The following FXYD6 variants were observed in gnomAD, a reference collection of about 807,000 sequenced individuals.
FXYD6 encodes FXYD domain containing ion transport regulator 6.
Under a neutral mutation model 16.7 loss-of-function variants are expected in FXYD6, and 7 were observed. That is an observed-to-expected ratio of 0.42 (90% confidence interval 0.24 to 0.79). FXYD6 has a LOEUF of 0.79. Ranked by LOEUF, FXYD6 falls within the 30% of genes least tolerant of loss-of-function variation. FXYD6 has a pLI of 0.28. For synonymous variants in FXYD6, 49 were observed against 43.0 expected, an observed-to-expected ratio of 1.14 and a Z score of -0.54; for missense variants, 111 against 116.2, an observed-to-expected ratio of 0.95 and a Z score of 0.21.
At chr11:117,857,966 G>A (rs1474487662) in intron 1 of FXYD6, among the ~76,000 whole-genome samples, 1 of 152,174 alleles carries the variant, frequency 6.6e-6, no homozygotes, top group Non-Finnish European at 1.5e-5. Context: ...AACCAGCAGA[G>A]AATGCCCAAA....
intron 1 of FXYD6, among the ~76,000 whole-genome samples, chr11:117,860,420 C>T (rs2134185154): frequency 6.6e-6 from 1 of 152,326 alleles, no homozygotes; most frequent in Middle Eastern, 3.4e-3. Context: ...CAGGGGCTCC[C>T]GCATCTGGAT....
At chr11:117,858,631 T>TTTTCTTTCTTTC (rs758256700) in intron 1 of FXYD6, among the ~76,000 whole-genome samples, 28 of 106,790 alleles carry the variant, frequency 2.6e-4, no homozygotes, top group South Asian at 8.9e-4. Flanking sequence ...TCATTTTCTT[T>TTTTCTTTCTTTC]TTTCTTTCTT....
chr11:117,857,143 G>A (rs867645375), intron 1 of FXYD6, among the ~76,000 whole-genome samples: 15 of 152,302 alleles, frequency 9.8e-5, no homozygotes, highest in African/African-American at 3.6e-4. Context: ...GAGATGGGAG[G>A]TGACAGTGCT....
Position 117,872,816 on chromosome 11 carries a change from A to G in FXYD6, c.-6+3776T>C, listed in dbSNP as rs76936143. ...TCCCTCCCCGGATTCTGGAGCAGAG[A>G]TGATGCTGCCAAATTGGTTCCATGC... On this transcript the variant is annotated intron_variant, in intron 1 of 7. Transcript: ENST00000526014. This position sits in a 1 kb window ranked among gnomAD's most constrained non-coding sequence, Gnocchi z 4.9. Among the ~76,000 whole-genome samples, 125 of 152,238 alleles carry G rather than the reference A, an allele frequency of 8.2e-4. 1 individual carries two copies. The highest frequency in any genetic ancestry group is 1.7e-3 in the Non-Finnish European group (115 of 68,004).
chr11:117,841,605 C>T (rs1337711380), intron 4 of FXYD6, 186 bp downstream of exon 4: 8 of 644,486 alleles, frequency 1.2e-5, no homozygotes, highest in Non-Finnish European at 1.9e-5. Flanking sequence ...TCTTTGTTCC[C>T]GTGTCACTGT....
chr11:117,858,689 TTCTTTCTTTCTTTCTC>T (rs2056812333), intron 1 of FXYD6, among the ~76,000 whole-genome samples: 1 of 77,684 alleles, frequency 1.3e-5, no homozygotes, highest in Admixed American at 1.5e-4. Flanking sequence ...CTTTCTTTCT[TTCTTTCTTTCTTTCTC>T]TCTCTCTCTC....
Position 117,841,166 on chromosome 11 carries a change from C to G in FXYD6, c.191G>C (p.Ser64Thr), listed in dbSNP as rs1298583685. 3 of 1,614,012 alleles carry G rather than the reference C, an allele frequency of 1.9e-6. No individual in the cohort carries two copies. Among genetic ancestry groups the G allele is most frequent in the East Asian group, 2.2e-5 (1 of 44,890 alleles). Residue 64 changes from serine (S) to threonine (T), a missense_variant, in exon 5 of 8, where the codon AGT becomes ACT. Coordinates refer to ENST00000526014, the MANE Select transcript of FXYD6 (RefSeq NM_022003.4). ...TCCTTACCGGGGCTTCTGATTGAAACTGCACTTGCACCTGCGACCTGAAAA... is the reference window on the plus strand; with the variant it reads ...TCCTTACCGGGGCTTCTGATTGAAAGTGCACTTGCACCTGCGACCTGAAAA... ...LLILSRRCKC[S>T]FNQKPRAPGD...
intron 1 of FXYD6, among the ~76,000 whole-genome samples, chr11:117,849,782 T>C (rs2134156092): frequency 6.6e-6 from 1 of 152,296 alleles, no homozygotes; most frequent in East Asian, 1.9e-4. Context: ...GCCTCGCCAC[T>C]GCATGCTGAA....
chr11:117,849,371 TAC>T (rs1188483276), intron 1 of FXYD6, among the ~76,000 whole-genome samples: 1 of 152,236 alleles, frequency 6.6e-6, no homozygotes, highest in Non-Finnish European at 1.5e-5. Flanking sequence ...CTGTATGATG[TAC>T]AGATGCCTTG....
chr11:117,858,726 T>TCTC lies in FXYD6; in HGVS notation c.-5-15946_-5-15945insGAG, dbSNP rs1565323970. Among the ~76,000 whole-genome samples, 111 of 46,792 alleles carry TCTC rather than the reference T, an allele frequency of 2.4e-3. 1 individual carries two copies. The highest frequency in any genetic ancestry group is 4.0e-3 in the East Asian group (5 of 1,242). 30.7% of individuals were successfully genotyped at this position (46,792 alleles called of 152,430 possible). On this transcript the variant is annotated intron_variant, in intron 1 of 7. Coordinates refer to ENST00000526014, the MANE Select transcript of FXYD6 (RefSeq NM_022003.4). ...TTCTCTCTCTCTCTCCTTCCTTCCCTTCCTTCCTTCCTTCCTTCCTTCCTT... is the reference window on the plus strand; with the variant it reads ...TTCTCTCTCTCTCTCCTTCCTTCCCTCTCTCCTTCCTTCCTTCCTTCCTTCCTT...
Position 117,870,564 on chromosome 11 carries a change from A to C in FXYD6, c.-6+6028T>G, listed in dbSNP as rs557273344. 6.6e-6 allele frequency among the ~76,000 whole-genome samples: 1 copy of C among 152,342 alleles called. No homozygotes were observed. Among genetic ancestry groups the C allele is most frequent in the African/African-American group, 2.4e-5 (1 of 41,586 alleles). On this transcript the variant is annotated intron_variant, in intron 1 of 7. Transcript: ENST00000526014. The surrounding 1 kb of genome is among the most constrained non-coding windows in gnomAD (Gnocchi z 4.2). ...TGCTCTCTCTGCCTACCTCTTTAGA[A>C]GGACAGCTCTGGCCTGCATGTTTCA...
chr11:117,867,935 T>C (rs963500850), intron 1 of FXYD6, among the ~76,000 whole-genome samples: 6 of 152,192 alleles, frequency 3.9e-5, no homozygotes, highest in Non-Finnish European at 5.9e-5. Context: ...CCAAGGGCAG[T>C]GTAGCCAAGG....
chr11:117,865,653 C>T (rs965558791), intron 1 of FXYD6, among the ~76,000 whole-genome samples: 1 of 151,632 alleles, frequency 6.6e-6, no homozygotes, highest in South Asian at 2.1e-4. Flanking sequence ...TGGCCAGGCA[C>T]GGTGGGTCAT....
At chr11:117,848,879 A>C (rs1320791935) in intron 1 of FXYD6, among the ~76,000 whole-genome samples, 2 of 152,108 alleles carry the variant, frequency 1.3e-5, no homozygotes, top group African/African-American at 2.4e-5. Context: ...CAGTTTCACC[A>C]GAGGTTTAAC....
At chr11:117,853,157 GT>G (rs1368509450) in intron 1 of FXYD6, among the ~76,000 whole-genome samples, 1 of 152,156 alleles carries the variant, frequency 6.6e-6, no homozygotes, top group African/African-American at 2.4e-5. Context: ...ACAGTGACTT[GT>G]TTTTTCCTGT....
chr11:117,864,941 A>T (rs1371155033), intron 1 of FXYD6, among the ~76,000 whole-genome samples: 1 of 152,214 alleles, frequency 6.6e-6, no homozygotes, highest in East Asian at 1.9e-4. Context: ...CAATCAACAG[A>T]TCAAAAATAC....
intron 1 of FXYD6, among the ~76,000 whole-genome samples, chr11:117,875,298 G>A (rs1163519609): frequency 6.6e-6 from 1 of 152,092 alleles, no homozygotes. Flanking sequence ...TGTTTGTGGT[G>A]TTGGTGATGT....
intron 4 of FXYD6, chr11:117,841,565 C>T (rs2056344528): frequency 3.3e-6 from 2 of 610,894 alleles, no homozygotes; most frequent in Non-Finnish European, 5.8e-6. Flanking sequence ...CCTGCTCGTT[C>T]CTATCTATGC....
At chr11:117,843,381 T>C (rs1254701253) in intron 1 of FXYD6, among the ~76,000 whole-genome samples, 1 of 152,208 alleles carries the variant, frequency 6.6e-6, no homozygotes, top group Non-Finnish European at 1.5e-5. Flanking sequence ...TAGCAGGGCC[T>C]AGATCCTAAC....
Sources: allele counts gnomAD v4.1 joint callset (sites outside exome capture counted in the v4.1 genomes callset), GRCh38; gene constraint gnomAD v4.1.1; non-coding constraint Gnocchi (gnomAD v3.1); transcripts MANE v1.5; gene names NCBI Gene and HGNC (gene_info 2026-07-23, HGNC 2026-07-21).